FOXP2: variants seen among roughly 807,000 people sequenced by gnomAD.
FOXP2 encodes forkhead box protein P2.
In FOXP2, 12 loss-of-function variants were observed where a neutral mutation model predicts 115.8. The ratio of observed to expected loss-of-function variants is 0.10; its 90% CI spans 0.07 to 0.17. FOXP2 has a LOEUF of 0.17. FOXP2 is among the 10% of genes least tolerant of loss of function. The probability of loss-of-function intolerance (pLI) is 1.00; values close to 1 mark genes in which losing one functional copy is unlikely to be tolerated. For missense variants in FOXP2, 629 were observed against 843.5 expected (o/e 0.75, Z 3.15); for synonymous variants, 328 against 297.7 (o/e 1.10, Z -1.05).
At chr7:114,435,886 G>T (rs1451825329) in intron 2 of FOXP2, among the ~76,000 whole-genome samples, 1 of 151,992 alleles carries the variant, frequency 6.6e-6, no homozygotes, top group Admixed American at 6.6e-5. Context: ...AGCCGTTAAA[G>T]ATTTTTTTTA....
At chr7:114,454,417 G>T (rs1795200415) in intron 2 of FOXP2, among the ~76,000 whole-genome samples, 2 of 152,080 alleles carry the variant, frequency 1.3e-5, no homozygotes, top group African/African-American at 4.8e-5. Context: ...TTACACTGTT[G>T]ATGGGTCTGT....
chr7:114,170,618 C>T (rs1219423954), intron 1 of FOXP2, among the ~76,000 whole-genome samples: 3 of 152,156 alleles, frequency 2.0e-5, no homozygotes, highest in African/African-American at 7.2e-5. Flanking sequence ...AACAGGCTTA[C>T]TGTTGATATG....
chr7:114,536,415 T>G (rs1474379139), intron 3 of FOXP2, among the ~76,000 whole-genome samples: 1 of 148,178 alleles, frequency 6.7e-6, no homozygotes, highest in Non-Finnish European at 1.5e-5. Flanking sequence ...TTTTTTTTTT[T>G]TTTGTTGTTG....
At chr7:114,170,783 G>A (rs2129152780) in intron 1 of FOXP2, among the ~76,000 whole-genome samples, 1 of 152,306 alleles carries the variant, frequency 6.6e-6, no homozygotes, top group Non-Finnish European at 1.5e-5. Context: ...GCTAAGAGAG[G>A]TTGGTTCATG....
chr7:114,116,441 A>G (rs1448340171), intron 1 of FOXP2, among the ~76,000 whole-genome samples: 1 of 152,208 alleles, frequency 6.6e-6, no homozygotes, highest in African/African-American at 2.4e-5. Context: ...ATAAGTGAAA[A>G]GGGAAAGAAG....
intron 1 of FOXP2, among the ~76,000 whole-genome samples, chr7:114,216,645 T>C (rs1172053985): frequency 1.3e-5 from 2 of 152,188 alleles, no homozygotes; most frequent in African/African-American, 2.4e-5. Context: ...GTTTAATCTC[T>C]TAAGTGTACG....
At chr7:114,578,772 A>G (rs1317930286) in intron 3 of FOXP2, among the ~76,000 whole-genome samples, 1 of 152,106 alleles carries the variant, frequency 6.6e-6, no homozygotes, top group African/African-American at 2.4e-5. Context: ...AATCATATCT[A>G]TGACATTGTT....
At chr7:114,291,424 G>C (rs185191285) in intron 2 of FOXP2, among the ~76,000 whole-genome samples, 1 of 152,084 alleles carries the variant, frequency 6.6e-6, no homozygotes, top group Non-Finnish European at 1.5e-5. Context: ...TCAGTGTATT[G>C]CATTATGTAC....
At chr7:114,465,057 T>C (rs1290141274) in intron 2 of FOXP2, among the ~76,000 whole-genome samples, 1 of 152,226 alleles carries the variant, frequency 6.6e-6, no homozygotes, top group Non-Finnish European at 1.5e-5. Context: ...ATGTGGACAT[T>C]ATAGTTGATT....
At chr7:114,247,485 A>G (rs1584575171) in intron 1 of FOXP2, among the ~76,000 whole-genome samples, 2 of 152,126 alleles carry the variant, frequency 1.3e-5, no homozygotes, top group African/African-American at 4.8e-5. Context: ...GAATTTTTAT[A>G]TCCCTCCCTT....
chr7:114,479,017 C>T (rs773777345), intron 2 of FOXP2, among the ~76,000 whole-genome samples: 2 of 151,288 alleles, frequency 1.3e-5, no homozygotes, highest in East Asian at 3.9e-4. Context: ...TAAACATATT[C>T]TGCTGTTTTC....
At chr7:114,283,873 G>T (rs1239969522) in intron 1 of FOXP2, among the ~76,000 whole-genome samples, 1 of 152,024 alleles carries the variant, frequency 6.6e-6, no homozygotes, top group Non-Finnish European at 1.5e-5. Context: ...TGAGGTGGGA[G>T]AATAGCTTGA....
chr7:114,557,865 A>G (rs1356399205), intron 3 of FOXP2, among the ~76,000 whole-genome samples: 1 of 151,914 alleles, frequency 6.6e-6, no homozygotes, highest in Non-Finnish European at 1.5e-5. Flanking sequence ...GCTGGTGTGC[A>G]GTGGCCCGAT....
intron 2 of FOXP2, among the ~76,000 whole-genome samples, chr7:114,462,105 C>T (rs1795587527): frequency 6.6e-6 from 1 of 151,170 alleles, no homozygotes; most frequent in African/African-American, 2.4e-5. Context: ...CATGGCGAAG[C>T]CCCCGTCTCT....
intron 2 of FOXP2, among the ~76,000 whole-genome samples, chr7:114,441,481 C>T (rs1189381645): frequency 6.6e-6 from 1 of 152,008 alleles, no homozygotes; most frequent in African/African-American, 2.4e-5. Context: ...GGAATGTCCA[C>T]TCATTTCTTA....
At chr7:114,388,570 C>T (rs1396142447) in intron 2 of FOXP2, among the ~76,000 whole-genome samples, 2 of 151,944 alleles carry the variant, frequency 1.3e-5, no homozygotes, top group Non-Finnish European at 2.9e-5. Flanking sequence ...AAAGTTTTGT[C>T]GTTATTACCA....
intron 16 of FOXP2, among the ~76,000 whole-genome samples, chr7:114,684,059 T>C (rs566716145): frequency 2.8e-4 from 43 of 152,314 alleles, no homozygotes; most frequent in African/African-American, 9.1e-4. Context: ...ATGTGCTTTT[T>C]TTAGAGACAG....
chr7:114,223,592 A>G (rs567899288), intron 1 of FOXP2, among the ~76,000 whole-genome samples: 9 of 149,354 alleles, frequency 6.0e-5, no homozygotes, highest in Admixed American at 1.3e-4. Flanking sequence ...GGGTGTATAT[A>G]GTGAATACAT....
chr7:114,261,323 T>C (rs1028779551), intron 1 of FOXP2, among the ~76,000 whole-genome samples: 2 of 152,208 alleles, frequency 1.3e-5, no homozygotes, highest in Non-Finnish European at 2.9e-5. Flanking sequence ...TTTTGCACTT[T>C]CAAATCTAAA....
Sources: allele counts gnomAD v4.1 joint callset (sites outside exome capture counted in the v4.1 genomes callset), GRCh38; gene constraint gnomAD v4.1.1; transcripts MANE v1.5; gene names NCBI Gene and HGNC (gene_info 2026-07-23, HGNC 2026-07-21).